Variants in LRP1B observed in about 807,000 individuals in gnomAD.
LRP1B encodes the protein LDL receptor related protein 1B.
LRP1B carries 217 observed loss-of-function variants against 556.6 expected under a neutral mutation model. The ratio of observed to expected loss-of-function variants is 0.39; its 90% confidence interval spans 0.35 to 0.44. LRP1B has a LOEUF of 0.44. Among genes scored for constraint, LRP1B ranks in the 20% least tolerant of loss-of-function variants. The pLI is 1.00. For missense variants in LRP1B, 5,053 were observed against 5,620.8 expected (o/e 0.90, Z 3.23); for synonymous variants, 2,047 against 1,865.8 (o/e 1.10, Z -2.50).
intron 3 of LRP1B, among the ~76,000 whole-genome samples, chr2:141,365,864 G>A (rs1244086673): frequency 2.6e-5 from 4 of 151,810 alleles, no homozygotes; most frequent in African/African-American, 7.3e-5. Context: ...TAGTAGAGAC[G>A]GGGTTTCACC....
At chr2:141,916,983 G>A (rs1700054707) in intron 1 of LRP1B, among the ~76,000 whole-genome samples, 1 of 151,986 alleles carries the variant, frequency 6.6e-6, no homozygotes, top group East Asian at 1.9e-4. Flanking sequence ...GGACAAAATG[G>A]GTATCTTTGT....
chr2:140,646,895 T>C (rs939524871), intron 41 of LRP1B, among the ~76,000 whole-genome samples: 1 of 152,036 alleles, frequency 6.6e-6, no homozygotes, highest in Admixed American at 6.6e-5. Context: ...CACATATATA[T>C]GTACATATGT....
chr2:140,808,931 G>A (rs1256674222), intron 32 of LRP1B, among the ~76,000 whole-genome samples: 1 of 151,950 alleles, frequency 6.6e-6, no homozygotes, highest in Non-Finnish European at 1.5e-5. Flanking sequence ...CCACAGAAGG[G>A]GCTTATTCTC....
chr2:140,238,165 A>G lies in LRP1B; in HGVS notation c.13547T>C (p.Ile4516Thr), dbSNP rs1276777721. The G allele has an allele frequency of 2.5e-6, 4 of 1,603,350 alleles. No individual in the cohort carries two copies. The highest frequency in any genetic ancestry group is 3.4e-5 in the Admixed American group (2 of 59,164). The change falls in exon 89 of 91, where the codon ATA becomes ACA. Residue 4516 changes from isoleucine to threonine, a missense_variant. Physicochemically the swap from Ile to Thr is moderately conservative, Grantham distance 89. This residue lies in a region of LRP1B where 551 missense variants were observed against 592.0 expected (regional missense o/e 0.93). Coordinates refer to ENST00000389484, the MANE Select transcript of LRP1B (RefSeq NM_018557.3). The part of the protein sequence containing the change: ...DGGLLDPGFM[I>T]DPTKARYIGG... Reference sequence around the variant, plus strand: ...AAGACATACTACCTTTGTTGGGTCTATCATAAAGCCAGGATCTAAAAGACC... The same window carrying G: ...AAGACATACTACCTTTGTTGGGTCTGTCATAAAGCCAGGATCTAAAAGACC...
intron 1 of LRP1B, among the ~76,000 whole-genome samples, chr2:142,044,225 G>GA (rs1342774339): frequency 1.3e-5 from 2 of 151,614 alleles, no homozygotes; most frequent in African/African-American, 2.4e-5. Context: ...TGCATTAAAG[G>GA]AAAAAGGAAT....
chr2:141,250,657 TG>T (rs1005646120), intron 4 of LRP1B, among the ~76,000 whole-genome samples: 34 of 152,286 alleles, frequency 2.2e-4, no homozygotes, highest in African/African-American at 7.9e-4. Context: ...CATTTATAAC[TG>T]GTTGGTTCAG....
In LRP1B at chr2:140,735,923, G is replaced by T. The variant is rs1285573338; in HGVS notation, c.5759-19107C>A. ...AAAACCCTGCAATTGAATTTTAAGGGTACTTGATCAAAGTGGGCTAGAATA... is the reference window on the plus strand; with the variant it reads ...AAAACCCTGCAATTGAATTTTAAGGTTACTTGATCAAAGTGGGCTAGAATA... On this transcript the variant is annotated intron_variant, in intron 35 of 90. Transcript: ENST00000389484. Among the ~76,000 whole-genome samples the T allele has an allele frequency of 2.6e-5, 4 of 152,056 alleles. No individual in the cohort carries two copies. In the East Asian group the frequency reaches 7.7e-4, roughly 29 times the overall value.
intron 20 of LRP1B, among the ~76,000 whole-genome samples, chr2:140,938,078 A>G (rs912947991): frequency 1.3e-5 from 2 of 152,024 alleles, no homozygotes; most frequent in Admixed American, 6.6e-5. Context: ...TCCTTCCAGG[A>G]AGCAGCATAA....
chr2:140,426,679 C>A (rs1322532781), intron 66 of LRP1B, among the ~76,000 whole-genome samples: 1 of 152,204 alleles, frequency 6.6e-6, no homozygotes, highest in East Asian at 1.9e-4. Flanking sequence ...TATAAAACAG[C>A]CCCACCCATA....
At chr2:141,483,324 G>C (rs1442203412) in intron 2 of LRP1B, among the ~76,000 whole-genome samples, 5 of 150,574 alleles carry the variant, frequency 3.3e-5, no homozygotes, top group Non-Finnish European at 7.4e-5. Context: ...AGTATTCCAT[G>C]GTGTATATGT....
intron 3 of LRP1B, among the ~76,000 whole-genome samples, chr2:141,315,035 T>A (rs181831537): frequency 1.9e-4 from 28 of 150,012 alleles, no homozygotes; most frequent in African/African-American, 6.8e-4. Context: ...ATGTTACCCA[T>A]CTCCTTACAG....
At chr2:140,935,508 A>G (rs1695176660) in intron 20 of LRP1B, among the ~76,000 whole-genome samples, 4 of 152,128 alleles carry the variant, frequency 2.6e-5, no homozygotes, top group Admixed American at 2.6e-4. Flanking sequence ...AGGGAAAAAA[A>G]TCAAAGAAAA....
chr2:141,220,769 TAAA>T (rs34002651), intron 6 of LRP1B, among the ~76,000 whole-genome samples: 239 of 137,082 alleles, frequency 1.7e-3, no homozygotes, highest in Non-Finnish European at 2.5e-3. Flanking sequence ...TCAACATTCT[TAAA>T]AAAAAAAAAA....
intron 37 of LRP1B, among the ~76,000 whole-genome samples, chr2:140,706,048 A>C (rs1686825630): frequency 2.0e-5 from 3 of 152,168 alleles, no homozygotes; most frequent in Non-Finnish European, 4.4e-5. Flanking sequence ...AAACTGCAGA[A>C]AGAGACTTGT....
At chr2:141,059,688 C>A (rs1699284738) in intron 8 of LRP1B, among the ~76,000 whole-genome samples, 1 of 151,736 alleles carries the variant, frequency 6.6e-6, no homozygotes, top group Admixed American at 6.6e-5. Context: ...AGAACAGTTT[C>A]TTTTGAGAAT....
chr2:141,269,508 T>A (rs1376654016), intron 3 of LRP1B, among the ~76,000 whole-genome samples: 2 of 152,096 alleles, frequency 1.3e-5, no homozygotes, highest in Non-Finnish European at 2.9e-5. Flanking sequence ...TCAAAGAGAA[T>A]CATGTTAAGC....
intron 35 of LRP1B, among the ~76,000 whole-genome samples, chr2:140,760,134 G>A (rs1688864774): frequency 6.6e-6 from 1 of 152,166 alleles, no homozygotes; most frequent in African/African-American, 2.4e-5. Context: ...TAATGAAAGA[G>A]ATGCTCAGGA....
At chr2:141,994,661 G>T (rs1045478811) in intron 1 of LRP1B, among the ~76,000 whole-genome samples, 1 of 152,076 alleles carries the variant, frequency 6.6e-6, no homozygotes. Flanking sequence ...TAAATGTAAG[G>T]ATATCATGAA....
chr2:141,196,944 G>C (rs531532686), intron 6 of LRP1B, among the ~76,000 whole-genome samples: 2 of 152,148 alleles, frequency 1.3e-5, no homozygotes, highest in South Asian at 4.1e-4. Flanking sequence ...ACCTTGAACT[G>C]TTCTTGTGGT....
Sources: gnomAD v4.1 joint callset for allele counts (sites outside exome capture counted in the v4.1 genomes callset) on GRCh38, gnomAD v4.1.1 for gene constraint, gnomAD v4.1.1 regional missense constraint, MANE v1.5 for transcripts, NCBI Gene and HGNC (gene_info 2026-07-23, HGNC 2026-07-21) for gene names.